KLRG2: variants seen among roughly 807,000 people sequenced by gnomAD.
KLRG2 encodes killer cell lectin-like receptor subfamily G member 2.
Under a neutral mutation model 35.4 loss-of-function variants are expected in KLRG2, and 39 were observed. That is an observed-to-expected ratio of 1.10 (90% CI 0.85 to 1.44). The LOEUF is 1.44. KLRG2 is among the 40% of genes most tolerant of loss of function. KLRG2 has a pLI of 0.00. For missense variants in KLRG2, 632 were observed against 570.9 expected (o/e 1.11, Z -1.09); for synonymous variants, 283 against 265.8 (o/e 1.06, Z -0.63).
chr7:139,472,515 C>A (rs1796775248), intron 3 of KLRG2, among the ~76,000 whole-genome samples: 1 of 150,460 alleles, frequency 6.6e-6, no homozygotes, highest in African/African-American at 2.4e-5. Context: ...GAGGTCAGGG[C>A]AGGAAGATCA....
At chr7:139,441,642 C>T in the KLRG2 span, among the ~76,000 whole-genome samples, 1 of 152,010 alleles carries the variant, frequency 6.6e-6, no homozygotes, top group African/African-American at 2.4e-5. Flanking sequence ...CATGGTGGTG[C>T]ACACCTGTGG....
the KLRG2 span, among the ~76,000 whole-genome samples, chr7:139,431,013 G>GAAAAAAAAAAAAAA: frequency 1.1e-5 from 1 of 92,614 alleles, no homozygotes; most frequent in Non-Finnish European, 2.4e-5. Flanking sequence ...CCCTGTCTCA[G>GAAAAAAAAAAAAAA]AAAAAAAAAA....
chr7:139,460,144 C>G (rs1403448665), intron 3 of KLRG2, among the ~76,000 whole-genome samples: 3 of 152,176 alleles, frequency 2.0e-5, no homozygotes, highest in African/African-American at 4.8e-5. Flanking sequence ...CCTTGGCCCC[C>G]CAAAGTGTTG....
downstream of KLRG2, among the ~76,000 whole-genome samples, chr7:139,450,065 C>T (rs11769470): frequency 0.26 from 38,608 of 151,316 alleles, 5,588 homozygotes; most frequent in African/African-American, 0.4. Flanking sequence ...GTTTTTGAAA[C>T]GGAGTCTCAC....
chr7:139,449,270 C>G (rs1213958675), downstream of KLRG2, among the ~76,000 whole-genome samples: 2 of 151,552 alleles, frequency 1.3e-5, no homozygotes, highest in Admixed American at 1.3e-4. Flanking sequence ...AGCATGGTGG[C>G]GGGCACCTAT....
the KLRG2 span, among the ~76,000 whole-genome samples, chr7:139,429,237 T>C: frequency 1.4e-4 from 21 of 152,192 alleles, no homozygotes; most frequent in Non-Finnish European, 2.1e-4. Flanking sequence ...ATCCTGGAAG[T>C]GGAGGTTGCA....
intron 3 of KLRG2, among the ~76,000 whole-genome samples, chr7:139,454,706 C>T (rs1436319511): frequency 3.3e-5 from 5 of 151,500 alleles, no homozygotes; most frequent in Non-Finnish European, 5.9e-5. Flanking sequence ...ATCCCAGCTA[C>T]TTGGGAGGCT....
chr7:139,437,978 T>C, the KLRG2 span, among the ~76,000 whole-genome samples: 1 of 152,142 alleles, frequency 6.6e-6, no homozygotes, highest in African/African-American at 2.4e-5. Flanking sequence ...TAGTGGCCTG[T>C]TGGGGAAAGA....
Position 139,483,093 on chromosome 7 carries a change from G to T in KLRG2, c.550C>A (p.Arg184Ser). 1.4e-6 allele frequency: 2 copies of T among 1,430,268 alleles called. No homozygotes were observed. Among genetic ancestry groups the T allele is most frequent in the South Asian group, 1.4e-5 (1 of 69,268 alleles). The allele number at this position is 1,430,268 out of a possible 1,614,324, so 88.6% of individuals were successfully genotyped here. The change falls in exon 1 of 5, where the codon CGC (arginine) becomes AGC (serine). Residue 184 changes from arginine (R) to serine (S), a missense_variant. Arg to Ser is a moderately radical substitution (Grantham distance 110). Coordinates refer to ENST00000340940, the MANE Select transcript of KLRG2 (RefSeq NM_198508.4). ...RAPSQGGTWGRRSPLAAARTE... is the reference protein window; with the variant it reads ...RAPSQGGTWGSRSPLAAARTE... ...CGGGCTGCAGCCAGCGGCGAGCGGC[G>T]GCCCCACGTGCCGCCCTGGGATGGT...
the KLRG2 span, among the ~76,000 whole-genome samples, chr7:139,440,021 A>G: frequency 6.6e-6 from 1 of 152,120 alleles, no homozygotes; most frequent in Non-Finnish European, 1.5e-5. Flanking sequence ...TCTCCTGGCT[A>G]CTGGTAGCAT....
At chr7:139,469,990 G>C (rs1796728978) in intron 3 of KLRG2, among the ~76,000 whole-genome samples, 1 of 152,024 alleles carries the variant, frequency 6.6e-6, no homozygotes, top group African/African-American at 2.4e-5. Context: ...CCAAAGGAAA[G>C]AGCTCCTACA....
At chr7:139,471,629 C>G (rs967688680) in intron 3 of KLRG2, among the ~76,000 whole-genome samples, 3 of 152,106 alleles carry the variant, frequency 2.0e-5, no homozygotes, top group African/African-American at 4.8e-5. Context: ...CCACCGCACT[C>G]CAGCCTGGAC....
rs1351907662 is a variant in KLRG2 at position 139,462,559 on chromosome 7, T to C, written c.1006-8345A>G. ...TCCTTTAGCCTGTGTTCTCAAGAAC[T>C]CAAAACCTCTTCAACTCACACCTGA... On this transcript the variant is annotated intron_variant, in intron 3 of 4. Transcript: ENST00000340940. Among the ~76,000 whole-genome samples, 4 of 152,176 alleles carry C rather than the reference T, an allele frequency of 2.6e-5. 1 individual carries two copies. In the South Asian group the frequency reaches 8.3e-4, roughly 32 times the overall value.
chr7:139,479,568 C>G (rs1796915915), intron 3 of KLRG2, 59 bp downstream of exon 3: 3 of 1,525,654 alleles, frequency 2.0e-6, no homozygotes, highest in Non-Finnish European at 2.7e-6. Flanking sequence ...CTTTCCAGTG[C>G]TAGGATTCTG....
chr7:139,452,149 T>C (rs972609718), downstream of KLRG2, among the ~76,000 whole-genome samples: 7 of 151,968 alleles, frequency 4.6e-5, no homozygotes, highest in Non-Finnish European at 7.4e-5. Context: ...TTTGTGTTTT[T>C]AGTAGAGACA....
the KLRG2 span, among the ~76,000 whole-genome samples, chr7:139,441,097 ATAGT>A: frequency 1.3e-5 from 2 of 152,216 alleles, no homozygotes; most frequent in South Asian, 2.1e-4. Context: ...AATACAAAAA[ATAGT>A]TAGGCATCAA....
intron 3 of KLRG2, among the ~76,000 whole-genome samples, chr7:139,471,195 T>C (rs996407608): frequency 2.0e-5 from 3 of 152,148 alleles, no homozygotes; most frequent in African/African-American, 7.2e-5. Context: ...GAAAAAAGCC[T>C]GGAAGTAGGT....
chr7:139,448,134 A>G (rs1045028810), downstream of KLRG2, among the ~76,000 whole-genome samples: 4 of 152,086 alleles, frequency 2.6e-5, no homozygotes, highest in African/African-American at 9.7e-5. Context: ...AGCTGGGACT[A>G]CAGGCTGGGG....
chr7:139,449,999 C>A (rs1270956671), downstream of KLRG2, among the ~76,000 whole-genome samples: 2 of 151,590 alleles, frequency 1.3e-5, no homozygotes, highest in Non-Finnish European at 2.9e-5. Flanking sequence ...CTGTGCCCGG[C>A]CTATATCCTT....
Sources: gnomAD v4.1 joint callset for allele counts (sites outside exome capture counted in the v4.1 genomes callset) on GRCh38, gnomAD v4.1.1 for gene constraint, MANE v1.5 for transcripts, NCBI Gene and HGNC (gene_info 2026-07-23, HGNC 2026-07-21) for gene names.